PRKCD: variants seen among roughly 807,000 people sequenced by gnomAD.
PRKCD encodes the protein protein kinase C delta, also known as protein kinase C delta type.
In PRKCD, 20 loss-of-function variants were observed where a neutral mutation model predicts 82.2. That is an observed-to-expected ratio of 0.24 (90% confidence interval 0.17 to 0.35). The LOEUF is 0.35. Ranked by LOEUF, PRKCD falls within the 10% of genes least tolerant of loss-of-function variation. PRKCD has a pLI of 1.00. For synonymous variants in PRKCD, 317 were observed against 337.0 expected (o/e 0.94, Z 0.65); for missense variants, 607 against 899.0 (o/e 0.68, Z 4.15).
chr3:53,190,649 C>T (rs1703894119), intron 18 of PRKCD, among the ~76,000 whole-genome samples: 1 of 152,196 alleles, frequency 6.6e-6, no homozygotes, highest in African/African-American at 2.4e-5. Flanking sequence ...AGAGCAGAGG[C>T]AGGTGGGGCC....
rs368332056 is a variant in PRKCD at position 53,184,983 on chromosome 3, G to A, written c.888+9G>A. ...TGAACCAAGTCACCCAGGTGGGCAG[G>A]TGCCATGGGGACCCTGGACACAGGG... On this transcript the variant is annotated intron_variant, in intron 10 of 18. Transcript: ENST00000330452. 3 of 1,612,870 alleles carry A rather than the reference G, an allele frequency of 1.9e-6. No individual in the cohort carries two copies. Among genetic ancestry groups the A allele is most frequent in the Non-Finnish European group, 8.5e-7 (1 of 1,178,936 alleles).
intron 11 of PRKCD, 84 bp downstream of exon 11, chr3:53,185,784 G>T: frequency 6.5e-7 from 1 of 1,532,124 alleles, no homozygotes; most frequent in Non-Finnish European, 9.0e-7. Flanking sequence ...CCATTGTCAA[G>T]TGAGACATGG....
chr3:53,163,748 C>T (rs979258547), intron 1 of PRKCD, among the ~76,000 whole-genome samples: 1 of 152,108 alleles, frequency 6.6e-6, no homozygotes, highest in Non-Finnish European at 1.5e-5. Context: ...AGACAGTATC[C>T]AACCCAATTT....
chr3:53,188,169 C>T (rs1703778876), intron 15 of PRKCD, among the ~76,000 whole-genome samples: 1 of 100,178 alleles, frequency 1.0e-5, no homozygotes, highest in Non-Finnish European at 1.8e-5. Context: ...GCCTGTGTGA[C>T]AGAATGAGAC....
chr3:53,185,728 G>T (rs369764009), intron 11 of PRKCD, 28 bp downstream of exon 11: 2 of 1,606,170 alleles, frequency 1.2e-6, no homozygotes, highest in South Asian at 2.2e-5. Context: ...GCCCCATTAC[G>T]GTTTTTATTC....
intron 2 of PRKCD, among the ~76,000 whole-genome samples, chr3:53,175,053 C>A (rs1277317912): frequency 1.3e-5 from 2 of 152,218 alleles, no homozygotes; most frequent in African/African-American, 4.8e-5. Flanking sequence ...GGTCCCCACG[C>A]ATACCTCCTG....
chr3:53,174,878 G>T (rs1553665594), intron 2 of PRKCD, among the ~76,000 whole-genome samples: 1 of 152,208 alleles, frequency 6.6e-6, no homozygotes, highest in East Asian at 1.9e-4. Flanking sequence ...TGCTGTGTTT[G>T]TGGTTTTCCC....
At chr3:53,187,199 A>C in intron 14 of PRKCD, 141 bp from the exon 15 acceptor site, 1 of 968,148 alleles carries the variant, frequency 1.0e-6, no homozygotes, top group Non-Finnish European at 1.6e-6. Flanking sequence ...GCCTGATACA[A>C]GATGTACTTG....
intron 18 of PRKCD, among the ~76,000 whole-genome samples, chr3:53,191,586 T>G (rs1703927751): frequency 6.6e-6 from 1 of 152,232 alleles, no homozygotes; most frequent in Non-Finnish European, 1.5e-5. Flanking sequence ...AGCAAATTTC[T>G]CCTGTAAACA....
intron 2 of PRKCD, among the ~76,000 whole-genome samples, chr3:53,174,184 G>A (rs1036460533): frequency 2.6e-5 from 4 of 152,252 alleles, no homozygotes; most frequent in Non-Finnish European, 5.9e-5. Flanking sequence ...GACATTGTCG[G>A]CCTCAGAAAA....
At chr3:53,166,866 G>A (rs1307711303) in intron 2 of PRKCD, among the ~76,000 whole-genome samples, 1 of 152,266 alleles carries the variant, frequency 6.6e-6, no homozygotes, top group Non-Finnish European at 1.5e-5. Flanking sequence ...TGGCATGGGA[G>A]ATGGGAGGCA....
At chr3:53,167,485 G>A (rs1702872895) in intron 2 of PRKCD, among the ~76,000 whole-genome samples, 1 of 152,224 alleles carries the variant, frequency 6.6e-6, no homozygotes, top group Non-Finnish European at 1.5e-5. Flanking sequence ...TAGTGACTAG[G>A]CAGCTCCCAG....
intron 2 of PRKCD, among the ~76,000 whole-genome samples, chr3:53,166,928 C>A (rs1266503588): frequency 2.0e-5 from 3 of 152,260 alleles, no homozygotes; most frequent in African/African-American, 7.2e-5. Context: ...GTGCCTGCTG[C>A]TACAGCAGAG....
intron 4 of PRKCD, 27 bp from the exon 5 acceptor site, chr3:53,181,180 T>A (rs1314434919): frequency 3.7e-6 from 6 of 1,610,584 alleles, no homozygotes; most frequent in Non-Finnish European, 5.1e-6. Context: ...CTGACCTTGT[T>A]CTCCCCTGGC....
chr3:53,184,777 A>G lies in PRKCD; in HGVS notation c.788-97A>G, dbSNP rs1299552141. The G allele has an allele frequency of 7.3e-6, 7 of 954,190 alleles. No individual in the cohort carries two copies. The Admixed American group carries it at 1.1e-4, about 15-fold the overall frequency. The allele number at this position is 954,190 out of a possible 1,614,324, so 59.1% of individuals were successfully genotyped here. ...ACTGGAACCCAGCAGACCCCACTGA[A>G]GCCCTCCTTTCTCTTGCTCTCCTGC... On this transcript the variant is annotated intron_variant, in intron 9 of 18. Coordinates refer to ENST00000330452, the MANE Select transcript of PRKCD (RefSeq NM_006254.4).
In PRKCD at chr3:53,169,853, C is replaced by T. The variant is rs1559616691; in HGVS notation, c.-20+4638C>T. ...ACTTTCCAAGGAAGTCTGGAAGACA[C>T]CAGAGCACTTGGGCCAAGATCGCGG... On this transcript the variant is annotated intron_variant, in intron 2 of 18. Transcript: ENST00000330452. The surrounding 1 kb of genome is among the most constrained non-coding windows in gnomAD (Gnocchi z 4.7). 6.6e-6 allele frequency among the ~76,000 whole-genome samples: 1 copy of T among 152,190 alleles called. No individual in the cohort carries two copies. The highest frequency in any genetic ancestry group is 1.5e-5 in the Non-Finnish European group (1 of 68,034).
chr3:53,167,404 A>G (rs1345917825), intron 2 of PRKCD, among the ~76,000 whole-genome samples: 3 of 152,272 alleles, frequency 2.0e-5, no homozygotes, highest in South Asian at 2.1e-4. Context: ...TGAGCCTGTA[A>G]GCCGAGGCTC....
intron 2 of PRKCD, among the ~76,000 whole-genome samples, chr3:53,172,321 C>A (rs1163410312): frequency 2.0e-5 from 3 of 152,240 alleles, no homozygotes; most frequent in African/African-American, 7.2e-5. Context: ...GCCTCCCAGC[C>A]CAGCTACCAC....
At chr3:53,175,932 T>C (rs559258476) in intron 2 of PRKCD, among the ~76,000 whole-genome samples, 9 of 152,284 alleles carry the variant, frequency 5.9e-5, no homozygotes, top group African/African-American at 2.2e-4. Context: ...TTCCTGCACA[T>C]GTGCGAGGCC....
Sources: gnomAD v4.1 joint callset for allele counts (sites outside exome capture counted in the v4.1 genomes callset) on GRCh38, gnomAD v4.1.1 for gene constraint, Gnocchi (gnomAD v3.1) non-coding constraint, MANE v1.5 for transcripts, NCBI Gene and HGNC (gene_info 2026-07-23, HGNC 2026-07-21) for gene names.